PCDHGB1: variants seen among roughly 807,000 people sequenced by gnomAD.
PCDHGB1 encodes the protein protocadherin gamma-B1.
A neutral mutation model predicts 56.6 loss-of-function variants in PCDHGB1; 34 were observed. That is an observed-to-expected ratio of 0.60 (90% confidence interval 0.46 to 0.80). The LOEUF is 0.80. PCDHGB1 is among the 30% of genes least tolerant of loss of function. PCDHGB1 has a pLI of 0.00. For synonymous variants in PCDHGB1, 561 were observed against 505.9 expected (o/e 1.11, Z -1.46); for missense variants, 1,278 against 1,204.6 (o/e 1.06, Z -0.90).
At chr5:141,454,931 C>T (rs2154564856) in intron 1 of PCDHGB1, among the ~76,000 whole-genome samples, 2 of 151,066 alleles carry the variant, frequency 1.3e-5, no homozygotes, top group South Asian at 4.2e-4. Context: ...CCTCAGCCTC[C>T]CGAGTAGCTG....
In PCDHGB1 at chr5:141,511,406, G is replaced by C; in HGVS notation, c.*233G>C. The C allele has an allele frequency of 1.1e-6, 1 of 942,018 alleles. No individual in the cohort carries two copies. The highest frequency in any genetic ancestry group is 1.7e-5 in the African/African-American group (1 of 60,280). The allele number at this position is 942,018 out of a possible 1,614,324, so 58.4% of individuals were successfully genotyped here. ...GCTGGGAACCCCCATCCAATCAACT[G>C]CTGTACCCATGGGGGTAGTGGGGTT... On this transcript the variant is annotated 3_prime_UTR_variant, in exon 4 of 4. Coordinates refer to ENST00000523390, the MANE Select transcript of PCDHGB1 (RefSeq NM_018922.3).
rs374857095 is a variant in PCDHGB1, at chr5:141,409,142, A to G, written c.2409+56473A>G. 6 of 1,613,904 alleles carry G rather than the reference A, an allele frequency of 3.7e-6. No individual in the cohort carries two copies. In the African/African-American group the frequency reaches 6.7e-5, roughly 18 times the overall value. ...GTCATTTGATTTTGAAGATGTAGAA[A>G]GGTACACCATGGAAGTGGAAGCGAA... is the stretch of plus-strand genomic sequence containing the variant. On this transcript the variant is annotated intron_variant, in intron 1 of 3. Coordinates refer to ENST00000523390, the MANE Select transcript of PCDHGB1 (RefSeq NM_018922.3).
chr5:141,414,311 ACT>A (rs1421551588), intron 1 of PCDHGB1: 5 of 1,613,710 alleles, frequency 3.1e-6, no homozygotes, highest in Non-Finnish European at 4.2e-6. Flanking sequence ...CATGATTTAG[ACT>A]CTGAGCAGAA....
At chr5:141,459,775 T>C (rs377188083) in intron 1 of PCDHGB1, among the ~76,000 whole-genome samples, 8 of 152,362 alleles carry the variant, frequency 5.3e-5, no homozygotes, top group African/African-American at 1.4e-4. Flanking sequence ...TACTATCTCA[T>C]TGAAGTTTCA....
At chr5:141,370,600 T>G in intron 1 of PCDHGB1, 1 of 1,613,984 alleles carries the variant, frequency 6.2e-7, no homozygotes, top group Non-Finnish European at 8.5e-7. Context: ...CTGCGGGTTA[T>G]TGCAGAGAAG....
At chr5:141,421,224 T>G (rs1401875673) in intron 1 of PCDHGB1, 2 of 1,582,072 alleles carry the variant, frequency 1.3e-6, no homozygotes, top group Admixed American at 3.6e-5. Flanking sequence ...GCTTAGAGCC[T>G]GCCATGGCGA....
chr5:141,393,170 A>G (rs746908655), intron 1 of PCDHGB1: 1 of 1,613,286 alleles, frequency 6.2e-7, no homozygotes, highest in South Asian at 1.1e-5. Context: ...TCTTTGGGGT[A>G]GAAATAGAAA....
In PCDHGB1 at chr5:141,487,774, C is replaced by T. The variant is rs1272776899; in HGVS notation, c.2410-7033C>T. 2.0e-6 allele frequency: 3 copies of T among 1,534,064 alleles called. 1 individual carries two copies. The highest frequency in any genetic ancestry group is 2.6e-6 in the Non-Finnish European group (3 of 1,135,588). On this transcript the variant is annotated intron_variant, in intron 1 of 3. Transcript: ENST00000523390. The surrounding 1 kb of genome is among the most constrained non-coding windows in gnomAD (Gnocchi z 5.0). Reference sequence around the variant, plus strand: ...ATGTGGTAGACGCTGTGCTTTGTAACTGTTTCGTGAATTAACCAGAGTTGT... The same window carrying T: ...ATGTGGTAGACGCTGTGCTTTGTAATTGTTTCGTGAATTAACCAGAGTTGT...
intron 1 of PCDHGB1, chr5:141,383,457 C>T (rs1270613288): frequency 2.5e-6 from 4 of 1,613,734 alleles, no homozygotes; most frequent in Non-Finnish European, 3.4e-6. Flanking sequence ...AAAGTGGAGA[C>T]GATGAAACTA....
chr5:141,423,095 A>ACG (rs2096709208), intron 1 of PCDHGB1: 4 of 1,613,860 alleles, frequency 2.5e-6, no homozygotes, highest in African/African-American at 2.7e-5. Flanking sequence ...GTGGGGGAGC[A>ACG]CACGGGCGAG....
At chr5:141,404,859 A>G in intron 1 of PCDHGB1, 1 of 1,613,494 alleles carries the variant, frequency 6.2e-7, no homozygotes, top group South Asian at 1.1e-5. Flanking sequence ...CTAGATAGAG[A>G]TGCGCTCAAA....
chr5:141,439,588 T>C (rs2098121813), intron 1 of PCDHGB1, among the ~76,000 whole-genome samples: 2 of 152,200 alleles, frequency 1.3e-5, no homozygotes, highest in South Asian at 4.1e-4. Flanking sequence ...AGTGCCACTG[T>C]TGGCCAGTCT....
Position 141,365,783 on chromosome 5 carries a change from G to T in PCDHGB1, c.2409+13114G>T, listed in dbSNP as rs906678928. 8 of 1,613,842 alleles carry T rather than the reference G, an allele frequency of 5.0e-6. No individual in the cohort carries two copies. Among genetic ancestry groups the T allele is most frequent in the Non-Finnish European group, 6.8e-6 (8 of 1,179,874 alleles). On this transcript the variant is annotated intron_variant, in intron 1 of 3. Transcript: ENST00000523390. ...CCATGACCCCGACAGCGGCGACAAC[G>T]CTCGAGTCACCTACTCCCTGGCTGA...
chr5:141,468,903 C>T (rs1265804352), intron 1 of PCDHGB1, among the ~76,000 whole-genome samples: 1 of 151,614 alleles, frequency 6.6e-6, no homozygotes, highest in Non-Finnish European at 1.5e-5. Context: ...CTAATATGAT[C>T]CAGACTAGAA....
chr5:141,410,623 G>T, intron 1 of PCDHGB1: 2 of 1,603,052 alleles, frequency 1.2e-6, no homozygotes, highest in Non-Finnish European at 1.7e-6. Context: ...TGACTTCGGT[G>T]AGTTTCTCTT....
At chr5:141,361,974 G>T (rs775025074) in intron 1 of PCDHGB1, 1 of 1,601,816 alleles carries the variant, frequency 6.2e-7, no homozygotes, top group Non-Finnish European at 8.5e-7. Flanking sequence ...AGGCCAGCGA[G>T]CCCGGGCTCT....
At chr5:141,403,596 C>G (rs746360206) in intron 1 of PCDHGB1, 16 of 1,613,650 alleles carry the variant, frequency 9.9e-6, no homozygotes, top group African/African-American at 2.7e-5. Flanking sequence ...CTCACGGCCT[C>G]GGATGGCGGC....
At chr5:141,467,208 A>G (rs1272958649) in intron 1 of PCDHGB1, among the ~76,000 whole-genome samples, 1 of 152,064 alleles carries the variant, frequency 6.6e-6, no homozygotes, top group East Asian at 1.9e-4. Flanking sequence ...ACATGCCACC[A>G]TGCCTGGCTA....
At position 141,372,291 on chromosome 5, in the gene PCDHGB1, G is replaced by C. The variant is rs1370699746; in HGVS notation, c.2409+19622G>C. 2.5e-6 allele frequency: 4 copies of C among 1,613,302 alleles called. No individual in the cohort carries two copies. In the Admixed American group the frequency reaches 6.7e-5, roughly 27 times the overall value. On this transcript the variant is annotated intron_variant, in intron 1 of 3. Transcript: ENST00000523390. ...TGAGGTGCGCACGGCGCGTACCTTG[G>C]GCGACAGGGAGGCCGCCCGCCAGCG...
Sources: gnomAD v4.1 joint callset for allele counts (sites outside exome capture counted in the v4.1 genomes callset) on GRCh38, gnomAD v4.1.1 for gene constraint, Gnocchi (gnomAD v3.1) non-coding constraint, MANE v1.5 for transcripts, NCBI Gene and HGNC (gene_info 2026-07-23, HGNC 2026-07-21) for gene names.